Variants in FAM171B observed in about 807,000 individuals in gnomAD.
FAM171B encodes the protein protein FAM171B.
Under a neutral mutation model 75.6 loss-of-function variants are expected in FAM171B, and 19 were observed. That is an observed-to-expected ratio of 0.25 (90% CI 0.18 to 0.37). The LOEUF is 0.37. Ranked by LOEUF, FAM171B falls within the 10% of genes least tolerant of loss-of-function variation. FAM171B has a pLI of 1.00. For synonymous variants in FAM171B, 367 were observed against 361.7 expected (o/e 1.01, Z -0.17); for missense variants, 848 against 982.4 (o/e 0.86, Z 1.83).
At chr2:186,748,121 G>C (rs370957206) in intron 4 of FAM171B, among the ~76,000 whole-genome samples, 20 of 151,766 alleles carry the variant, frequency 1.3e-4, no homozygotes, top group African/African-American at 3.9e-4. Context: ...ATGGGGTTTC[G>C]CCATGTTGCC....
chr2:186,734,668 T>G (rs1690171035), intron 1 of FAM171B, among the ~76,000 whole-genome samples: 1 of 152,128 alleles, frequency 6.6e-6, no homozygotes, highest in Non-Finnish European at 1.5e-5. Context: ...CCAGAAGTTC[T>G]CATTCTGGTC....
intron 1 of FAM171B, among the ~76,000 whole-genome samples, chr2:186,729,056 A>G (rs1690075335): frequency 6.6e-6 from 1 of 152,104 alleles, no homozygotes; most frequent in Admixed American, 6.5e-5. Context: ...ATTTATTATT[A>G]TTTGAATTTT....
Position 186,762,663 on chromosome 2 carries a change from A to G in FAM171B, c.2321A>G (p.His774Arg). Residue 774 changes from histidine to arginine, a missense_variant, in exon 8 of 8, where the codon CAC becomes CGC. His to Arg is a conservative substitution (Grantham distance 29, BLOSUM62 0). Transcript: ENST00000304698. This position sits in a 1 kb window ranked among gnomAD's most constrained non-coding sequence, Gnocchi z 4.0. ...GGAGGGAGTGGAGTGATCATGGAGC[A>G]CCCTGGAGAAGAGTCGCCAGGAAGG... ...LDGGSGVIME[H>R]PGEESPGRKS... is the part of the protein sequence containing the mutation. 3 of 1,613,154 alleles carry G rather than the reference A, an allele frequency of 1.9e-6. No individual in the cohort carries two copies. The highest frequency in any genetic ancestry group is 2.5e-6 in the Non-Finnish European group (3 of 1,179,606).
chr2:186,694,397 C>T lies in FAM171B; in HGVS notation c.224C>T (p.Thr75Ile). Residue 75 changes from threonine (T) to isoleucine (I), a missense_variant, in exon 1 of 8, where the codon ACC (threonine) becomes ATC (isoleucine). By Grantham distance (89) the Thr-to-Ile change is moderately conservative. Around this residue, in one of 3 missense-constraint regions of FAM171B, gnomAD observed 665 missense variants for 729.0 expected, o/e 0.91. Coordinates refer to ENST00000304698, the MANE Select transcript of FAM171B (RefSeq NM_177454.4). ...ERTEVPGATS[T>I]LTVPVSVFML... The stretch of plus-strand genomic sequence containing the variant: ...ACAGAGGTGCCTGGGGCAACCTCCA[C>T]CTTGACGGTTCCAGGTAGGTCCTGG... The T allele has an allele frequency of 1.2e-6, 2 of 1,612,512 alleles. No homozygotes were observed. Among genetic ancestry groups the T allele is most frequent in the Non-Finnish European group, 1.7e-6 (2 of 1,179,446 alleles).
At chr2:186,725,458 G>A (rs943560225) in intron 1 of FAM171B, among the ~76,000 whole-genome samples, 2 of 152,174 alleles carry the variant, frequency 1.3e-5, no homozygotes, top group Admixed American at 1.3e-4. Context: ...AAAGGACGGG[G>A]AAATCAGTCA....
Position 186,694,095 on chromosome 2 carries a change from T to G in FAM171B, c.-79T>G. The G allele has an allele frequency of 7.2e-7, 1 of 1,389,218 alleles. No individual in the cohort carries two copies. The highest frequency in any genetic ancestry group is 9.3e-7 in the Non-Finnish European group (1 of 1,079,546). 86.1% of individuals were successfully genotyped at this position (1,389,218 alleles called of 1,614,324 possible). On this transcript the variant is annotated 5_prime_UTR_variant, in exon 1 of 8. Transcript: ENST00000304698. The stretch of plus-strand genomic sequence containing the variant: ...CGAGGGGGAGCGAGCGAGCGGGCGC[T>G]GCCAGGAGCCCGCAGCCCTGGCGCC...
At chr2:186,701,029 G>C (rs931447053) in intron 1 of FAM171B, among the ~76,000 whole-genome samples, 2 of 151,710 alleles carry the variant, frequency 1.3e-5, no homozygotes, top group Non-Finnish European at 2.9e-5. Flanking sequence ...TGATTCTCCT[G>C]CCTTAATCTC....
At chr2:186,726,393 T>C (rs2105780770) in intron 1 of FAM171B, among the ~76,000 whole-genome samples, 1 of 152,300 alleles carries the variant, frequency 6.6e-6, no homozygotes, top group Non-Finnish European at 1.5e-5. Flanking sequence ...AGCACCCTTT[T>C]GTTTCTTTAA....
At chr2:186,702,423 G>T (rs548498876) in intron 1 of FAM171B, among the ~76,000 whole-genome samples, 1 of 152,168 alleles carries the variant, frequency 6.6e-6, no homozygotes, top group Non-Finnish European at 1.5e-5. Context: ...CTGTGTGAGC[G>T]TAAGAAAACA....
chr2:186,722,837 T>C (rs1308224353), intron 1 of FAM171B, among the ~76,000 whole-genome samples: 1 of 152,150 alleles, frequency 6.6e-6, no homozygotes, highest in Non-Finnish European at 1.5e-5. Context: ...TCTTACCCCA[T>C]TTCCCCTGGC....
chr2:186,746,368 C>T (rs1157447820), intron 3 of FAM171B, among the ~76,000 whole-genome samples: 2 of 152,156 alleles, frequency 1.3e-5, no homozygotes, highest in Non-Finnish European at 2.9e-5. Context: ...TGAATATCAT[C>T]AGAGACACTT....
At position 186,694,178 on chromosome 2, in the gene FAM171B, C is replaced by T. The variant is rs1236089184; in HGVS notation, c.5C>T (p.Ala2Val). The T allele has an allele frequency of 6.3e-7, 1 of 1,596,260 alleles. No homozygotes were observed. The highest frequency in any genetic ancestry group is 8.5e-7 in the Non-Finnish European group (1 of 1,176,738). M[A>V]RLCRRVPCTL... ...GCGGCCCTCTGGCTCTAGGCCATGG[C>T]GAGGCTCTGCCGGCGTGTCCCCTGC... Residue 2 changes from alanine to valine, a missense_variant, in exon 1 of 8, where the codon GCG becomes GTG. Around this residue, in one of 3 missense-constraint regions of FAM171B, gnomAD observed 665 missense variants for 729.0 expected, o/e 0.91. Transcript: ENST00000304698.
At chr2:186,715,698 C>T (rs933198189) in intron 1 of FAM171B, among the ~76,000 whole-genome samples, 1 of 152,102 alleles carries the variant, frequency 6.6e-6, no homozygotes, top group South Asian at 2.1e-4. Context: ...TTTTGATTAC[C>T]GTATTTTGAT....
At chr2:186,695,718 A>G (rs953388760) in intron 1 of FAM171B, among the ~76,000 whole-genome samples, 7 of 152,196 alleles carry the variant, frequency 4.6e-5, no homozygotes, top group Non-Finnish European at 1.0e-4. Flanking sequence ...AAGTGTGGCT[A>G]AAAGTCTTGA....
At chr2:186,731,594 T>A (rs1194031693) in intron 1 of FAM171B, among the ~76,000 whole-genome samples, 1 of 152,222 alleles carries the variant, frequency 6.6e-6, no homozygotes, top group Non-Finnish European at 1.5e-5. Flanking sequence ...TATAGTTTTT[T>A]ATACTATCCA....
intron 6 of FAM171B, 143 bp from the exon 7 acceptor site, chr2:186,760,970 C>A: frequency 1.3e-6 from 1 of 782,702 alleles, no homozygotes; most frequent in Non-Finnish European, 2.0e-6. Context: ...AGGTTTACTT[C>A]ACCCATAGGG....
chr2:186,697,790 C>T (rs1689603632), intron 1 of FAM171B, among the ~76,000 whole-genome samples: 1 of 152,042 alleles, frequency 6.6e-6, no homozygotes, highest in African/African-American at 2.4e-5. Flanking sequence ...TCACCATTGC[C>T]TTTGCTTAGT....
intron 2 of FAM171B, among the ~76,000 whole-genome samples, chr2:186,743,272 T>C (rs1690318296): frequency 6.6e-6 from 1 of 152,184 alleles, no homozygotes; most frequent in Non-Finnish European, 1.5e-5. Flanking sequence ...TAAATAGTGA[T>C]AACCAATGTT....
At position 186,761,529 on chromosome 2, in the gene FAM171B, A is replaced by G; in HGVS notation, c.1187A>G (p.Glu396Gly). The change falls in exon 8 of 8, where the codon GAG becomes GGG. Residue 396 changes from glutamate to glycine, a missense_variant. Around this residue, in one of 3 missense-constraint regions of FAM171B, gnomAD observed 665 missense variants for 729.0 expected, o/e 0.91. Transcript: ENST00000304698. ...AGAGAAAGAAATATCACTAAACTTG[A>G]GGTCCTCAAGAGAGACCAGACAACT... ...QKRERNITKLEVLKRDQTTST... is the reference protein window; with the variant it reads ...QKRERNITKLGVLKRDQTTST... The G allele has an allele frequency of 6.3e-7, 1 of 1,594,770 alleles. No individual in the cohort carries two copies. Among genetic ancestry groups the G allele is most frequent in the African/African-American group, 1.4e-5 (1 of 73,886 alleles).
Sources: allele counts gnomAD v4.1 joint callset (sites outside exome capture counted in the v4.1 genomes callset), GRCh38; gene constraint gnomAD v4.1.1; regional missense constraint gnomAD v4.1.1; non-coding constraint Gnocchi (gnomAD v3.1); transcripts MANE v1.5; gene names NCBI Gene and HGNC (gene_info 2026-07-23, HGNC 2026-07-21).